EXT1: variants seen among roughly 807,000 people sequenced by gnomAD.
EXT1 encodes the protein exostosin-1.
A neutral mutation model predicts 82.5 loss-of-function variants in EXT1; 20 were observed. The observed-to-expected ratio is 0.24, with a 90% CI of 0.17 to 0.35. The LOEUF is 0.35. Among genes scored for constraint, EXT1 ranks in the 10% least tolerant of loss-of-function variants. The pLI is 1.00. For missense variants in EXT1, 757 were observed against 936.5 expected, an observed-to-expected ratio of 0.81 and a Z score of 2.50; for synonymous variants, 348 against 350.8, an observed-to-expected ratio of 0.99 and a Z score of 0.09.
chr8:118,021,130 A>C (rs1346635524), intron 1 of EXT1, among the ~76,000 whole-genome samples: 1 of 152,244 alleles, frequency 6.6e-6, no homozygotes, highest in Non-Finnish European at 1.5e-5. Context: ...TTGTGCAAAT[A>C]TGAACTCTTA....
rs1256235503 is a variant in EXT1, at chr8:117,812,861, T to C, written c.1722+11A>G. On this transcript the variant is annotated intron_variant, in intron 8 of 10. Transcript: ENST00000378204. Reference sequence around the variant, plus strand: ...CAGCCCACCTGCTGCTCCTCAGGCATGGGTTCTTACCTCTGTTGTTGAAAG... The same window carrying C: ...CAGCCCACCTGCTGCTCCTCAGGCACGGGTTCTTACCTCTGTTGTTGAAAG... The C allele has an allele frequency of 1.7e-5, 28 of 1,613,288 alleles. No individual in the cohort carries two copies. The highest frequency in any genetic ancestry group is 2.4e-5 in the Non-Finnish European group (28 of 1,179,596).
intron 1 of EXT1, among the ~76,000 whole-genome samples, chr8:118,081,900 A>T (rs1817339098): frequency 1.3e-5 from 2 of 152,212 alleles, no homozygotes; most frequent in Admixed American, 6.5e-5. Context: ...AAATTGTCAC[A>T]AAAACCGAGA....
intron 1 of EXT1, among the ~76,000 whole-genome samples, chr8:118,055,742 T>G (rs1816784770): frequency 6.6e-6 from 1 of 152,208 alleles, no homozygotes; most frequent in African/African-American, 2.4e-5. Flanking sequence ...ATTAAATGAT[T>G]ATTATTATTC....
At chr8:117,987,418 G>A (rs747662993) in intron 1 of EXT1, among the ~76,000 whole-genome samples, 5 of 152,206 alleles carry the variant, frequency 3.3e-5, no homozygotes, top group Admixed American at 1.3e-4. Flanking sequence ...TTCTATCTGC[G>A]CAGGCACTGG....
chr8:118,077,303 T>C (rs993857048), intron 1 of EXT1, among the ~76,000 whole-genome samples: 1 of 152,208 alleles, frequency 6.6e-6, no homozygotes, highest in Non-Finnish European at 1.5e-5. Flanking sequence ...CTGAGGCATA[T>C]GCAGCCAGGA....
At chr8:117,991,801 A>T (rs1310316909) in intron 1 of EXT1, among the ~76,000 whole-genome samples, 1 of 152,144 alleles carries the variant, frequency 6.6e-6, no homozygotes, top group African/African-American at 2.4e-5. Flanking sequence ...ACCTCAAGTG[A>T]TCCACCCTCC....
At chr8:117,876,393 A>T (rs1812969811) in intron 1 of EXT1, among the ~76,000 whole-genome samples, 1 of 152,222 alleles carries the variant, frequency 6.6e-6, no homozygotes, top group Non-Finnish European at 1.5e-5. Context: ...TTTATTTCAG[A>T]AACACCCAAA....
At chr8:117,952,115 T>C (rs1300689504) in intron 1 of EXT1, among the ~76,000 whole-genome samples, 2 of 152,184 alleles carry the variant, frequency 1.3e-5, no homozygotes, top group African/African-American at 4.8e-5. Flanking sequence ...ACACAGCTCC[T>C]AGTGGCTTCC....
intron 1 of EXT1, among the ~76,000 whole-genome samples, chr8:118,047,115 TG>T (rs1816634895): frequency 6.6e-6 from 1 of 152,144 alleles, no homozygotes; most frequent in African/African-American, 2.4e-5. Flanking sequence ...TAAAATCGCC[TG>T]GGGAAGTTTT....
intron 1 of EXT1, among the ~76,000 whole-genome samples, chr8:117,978,018 G>C (rs1815105581): frequency 6.6e-6 from 1 of 152,208 alleles, no homozygotes; most frequent in Admixed American, 6.5e-5. Context: ...GAGTGAGGTT[G>C]TCTTAACTCA....
intron 1 of EXT1, among the ~76,000 whole-genome samples, chr8:117,858,766 A>AAGGAAGGCAGGCAGGCAGGC (rs1289892313): frequency 1.6e-3 from 85 of 54,622 alleles, no homozygotes; most frequent in Admixed American, 2.4e-3. Context: ...GGAAGGAAGG[A>AAGGAAGGCAGGCAGGCAGGC]AGGCAGGCAG....
At chr8:118,091,428 C>CT (rs1459494901) in intron 1 of EXT1, among the ~76,000 whole-genome samples, 1 of 152,154 alleles carries the variant, frequency 6.6e-6, no homozygotes, top group East Asian at 1.9e-4. Flanking sequence ...TCAACAGTCT[C>CT]TGTGTTATTA....
At chr8:117,902,647 T>C (rs1813471645) in intron 1 of EXT1, among the ~76,000 whole-genome samples, 1 of 152,160 alleles carries the variant, frequency 6.6e-6, no homozygotes, top group South Asian at 2.1e-4. Context: ...CAAAACATAT[T>C]AGGAAAACAA....
intron 1 of EXT1, among the ~76,000 whole-genome samples, chr8:117,968,286 T>G (rs943415888): frequency 1.3e-4 from 20 of 151,820 alleles, no homozygotes; most frequent in Non-Finnish European, 2.2e-4. Flanking sequence ...TTTTGAAATT[T>G]TTAGTAGTTT....
chr8:117,811,207 G>A (rs926595956), intron 8 of EXT1, among the ~76,000 whole-genome samples: 2 of 152,184 alleles, frequency 1.3e-5, no homozygotes, highest in African/African-American at 4.8e-5. Context: ...CTGTGTAACT[G>A]AAGTACCTGG....
intron 7 of EXT1, among the ~76,000 whole-genome samples, chr8:117,815,709 T>C (rs1326921652): frequency 6.6e-6 from 1 of 152,106 alleles, no homozygotes; most frequent in Admixed American, 6.5e-5. Context: ...AGGCGGTGGA[T>C]CACCTGAGTT....
chr8:117,933,365 G>A (rs886208360), intron 1 of EXT1, among the ~76,000 whole-genome samples: 22 of 151,526 alleles, frequency 1.5e-4, no homozygotes, highest in African/African-American at 5.3e-4. Flanking sequence ...TCCTGTCTCA[G>A]CCTCCTGAGT....
intron 1 of EXT1, among the ~76,000 whole-genome samples, chr8:117,875,458 AAATAAAT>A (rs1812953028): frequency 6.9e-6 from 1 of 145,772 alleles, no homozygotes; most frequent in Non-Finnish European, 1.5e-5. Flanking sequence ...ATAAATAAAT[AAATAAAT>A]AAAATAATAA....
chr8:118,081,939 C>G (rs1464522281), intron 1 of EXT1, among the ~76,000 whole-genome samples: 2 of 151,984 alleles, frequency 1.3e-5, no homozygotes, highest in Non-Finnish European at 2.9e-5. Context: ...AGGTTTTAGC[C>G]AGATATAAGG....
Sources: allele counts gnomAD v4.1 joint callset (sites outside exome capture counted in the v4.1 genomes callset), GRCh38; gene constraint gnomAD v4.1.1; transcripts MANE v1.5; gene names NCBI Gene and HGNC (gene_info 2026-07-23, HGNC 2026-07-21).